Variants in TMEM42 observed in about 807,000 individuals in gnomAD.
TMEM42 encodes the protein transmembrane protein 42.
Under a neutral mutation model 14.0 loss-of-function variants are expected in TMEM42, and 8 were observed. The ratio of observed to expected loss-of-function variants is 0.57; its 90% confidence interval spans 0.34 to 1.03. The LOEUF is 1.03. Among genes scored for constraint, TMEM42 ranks in the 50% least tolerant of loss-of-function variants. The pLI is 0.03. For synonymous variants in TMEM42, 115 were observed against 94.3 expected (o/e 1.22, Z -1.27); for missense variants, 211 against 219.8 (o/e 0.96, Z 0.25).
In TMEM42 at chr3:44,865,332, C is replaced by T. The variant is rs2125740686; in HGVS notation, c.*152C>T. 3.0e-6 allele frequency: 3 copies of T among 1,001,922 alleles called. No individual in the cohort carries two copies. The East Asian group carries it at 7.8e-5, about 26-fold the overall frequency. The allele number at this position is 1,001,922 out of a possible 1,614,324, so 62.1% of individuals were successfully genotyped here. On this transcript the variant is annotated 3_prime_UTR_variant, in exon 3 of 3. Coordinates refer to ENST00000302392, the MANE Select transcript of TMEM42 (RefSeq NM_144638.3). Reference sequence around the variant, plus strand: ...GCCTCTGATGGAGCAGGCTCTGGCTCTGTAAGGAGAGGTGCAGCTGCAGCA... The same window carrying T: ...GCCTCTGATGGAGCAGGCTCTGGCTTTGTAAGGAGAGGTGCAGCTGCAGCA...
Position 44,864,273 on chromosome 3 carries a change from G to C in TMEM42, c.269G>C (p.Arg90Pro), listed in dbSNP as rs781527144. The C allele has an allele frequency of 1.9e-6, 3 of 1,614,012 alleles. No individual in the cohort carries two copies. The highest frequency in any genetic ancestry group is 2.2e-5 in the South Asian group (2 of 91,080). ...TCTCTGATGTGGACCTTCTTTAGCCGGGGCCTCAGTTTCTCCATGTCTTCA... is the reference window on the plus strand; with the variant it reads ...TCTCTGATGTGGACCTTCTTTAGCCCGGGCCTCAGTTTCTCCATGTCTTCA... Reference protein sequence around the residue: ...TNSLMWTFFSRGLSFSMSSAI... With the variant: ...TNSLMWTFFSPGLSFSMSSAI... The change falls in exon 2 of 3, where the codon CGG becomes CCG. Residue 90 changes from arginine to proline, a missense_variant. Arg to Pro is a moderately radical substitution (Grantham distance 103). Transcript: ENST00000302392.
chr3:44,862,256 G>T (rs1172783713), intron 1 of TMEM42, 140 bp downstream of exon 1: 2 of 562,370 alleles, frequency 3.6e-6, no homozygotes, highest in African/African-American at 2.0e-5. Flanking sequence ...CACCCTCGCC[G>T]GTCTGTCCCG....
chr3:44,865,278 G>C lies in TMEM42; in HGVS notation c.*98G>C. The C allele has an allele frequency of 1.3e-6, 2 of 1,524,254 alleles. No individual in the cohort carries two copies. Among genetic ancestry groups the C allele is most frequent in the Admixed American group, 3.5e-5 (2 of 57,188 alleles). The allele number at this position is 1,524,254 out of a possible 1,614,324, so 94.4% of individuals were successfully genotyped here. A position where few individuals can be genotyped will look rare whatever the true frequency, so the allele number is the denominator to read the frequency against. ...TATCCTAGGGCGATCCAGTTGTGCA[G>C]CCTTCTGACCATCAGCCAAGGGAAG... On this transcript the variant is annotated 3_prime_UTR_variant, in exon 3 of 3. Coordinates refer to ENST00000302392, the MANE Select transcript of TMEM42 (RefSeq NM_144638.3).
intron 1 of TMEM42, chr3:44,863,307 C>CCG (rs1699282524): frequency 9.2e-6 from 1 of 108,890 alleles, no homozygotes; most frequent in Non-Finnish European, 2.2e-5. Flanking sequence ...CGCACCCCCC[C>CCG]CCCCCGCCGC....
chr3:44,864,476 C>G (rs917836650), intron 2 of TMEM42, 133 bp downstream of exon 2: 65 of 1,028,044 alleles, frequency 6.3e-5, no homozygotes, highest in Non-Finnish European at 8.8e-5. Flanking sequence ...GGCTTGACCC[C>G]TGGATGAGTG....
At chr3:44,863,309 C>A (rs901014296) in intron 1 of TMEM42, 1 of 115,032 alleles carries the variant, frequency 8.7e-6, no homozygotes, top group Admixed American at 8.3e-5. Context: ...CACCCCCCCC[C>A]CCCGCCGCCT....
In TMEM42 at chr3:44,865,073, C is replaced by G. The variant is rs766678734; in HGVS notation, c.373C>G (p.Gln125Glu). 31 of 1,614,014 alleles carry G rather than the reference C, an allele frequency of 1.9e-5. No individual in the cohort carries two copies. In the East Asian group the frequency reaches 6.0e-4, roughly 31 times the overall value. ...FLGYVLYGEC[Q>E]EVLWWGGVFL... is the part of the protein sequence containing the mutation. ...GGGCTATGTGCTGTATGGAGAGTGC[C>G]AGGAGGTCTTGTGGTGGGGAGGAGT... Residue 125 changes from glutamine to glutamate, a missense_variant, in exon 3 of 3, where the codon CAG (glutamine) becomes GAG (glutamate). Gln to Glu is a conservative substitution (Grantham distance 29). Coordinates refer to ENST00000302392, the MANE Select transcript of TMEM42 (RefSeq NM_144638.3).
In TMEM42 at chr3:44,865,342, A is replaced by T. The variant is rs768067193; in HGVS notation, c.*162A>T. On this transcript the variant is annotated 3_prime_UTR_variant, in exon 3 of 3. Coordinates refer to ENST00000302392, the MANE Select transcript of TMEM42 (RefSeq NM_144638.3). ...GAGCAGGCTCTGGCTCTGTAAGGAG[A>T]GGTGCAGCTGCAGCAGTGTTCTACC... The T allele has an allele frequency of 3.6e-5, 32 of 883,896 alleles. No homozygotes were observed. Among genetic ancestry groups the T allele is most frequent in the Non-Finnish European group, 5.0e-5 (29 of 576,372 alleles). 54.8% of individuals were successfully genotyped at this position (883,896 alleles called of 1,614,324 possible). A position where few individuals can be genotyped will look rare whatever the true frequency, so the allele number is the denominator to read the frequency against.
At chr3:44,864,755 G>A (rs1699302343) in intron 2 of TMEM42, among the ~76,000 whole-genome samples, 1 of 152,146 alleles carries the variant, frequency 6.6e-6, no homozygotes. Flanking sequence ...CTTGAGTTGA[G>A]GGAGAAACAA....
Position 44,865,443 on chromosome 3 carries a change from T to A in TMEM42, c.*263T>A. On this transcript the variant is annotated 3_prime_UTR_variant, in exon 3 of 3. Coordinates refer to ENST00000302392, the MANE Select transcript of TMEM42 (RefSeq NM_144638.3). ...TACCCCAGTGAGCCTTCGCAGATGC[T>A]GGAGATCCTGGGGTTGGTCTGCTTT... 2.2e-6 allele frequency: 1 copy of A among 461,432 alleles called. No homozygotes were observed. The highest frequency in any genetic ancestry group is 3.9e-6 in the Non-Finnish European group (1 of 254,862). The allele number at this position is 461,432 out of a possible 1,614,324, so 28.6% of individuals were successfully genotyped here.
At chr3:44,863,333 G>GGGACAAC (rs1335159252) in intron 1 of TMEM42, 2 of 115,524 alleles carry the variant, frequency 1.7e-5, no homozygotes, top group African/African-American at 6.0e-5. Context: ...CTCCAGGCAG[G>GGGACAAC]TTTCTAACTC....
Position 44,865,108 on chromosome 3 carries a change from T to C in TMEM42, c.408T>C (p.Ile136=), listed in dbSNP as rs1699307035. The C allele has an allele frequency of 3.1e-6, 5 of 1,613,948 alleles. No homozygotes were observed. Among genetic ancestry groups the C allele is most frequent in the Non-Finnish European group, 4.2e-6 (5 of 1,179,988 alleles). ...EVLWWGGVFL[I]LCGLTLIHRK... Reference sequence around the variant, plus strand: ...TGTGGTGGGGAGGAGTGTTCCTTATTCTCTGCGGACTCACCCTAATCCACA... The same window carrying C: ...TGTGGTGGGGAGGAGTGTTCCTTATCCTCTGCGGACTCACCCTAATCCACA... The change falls in exon 3 of 3, where the codon ATT becomes ATC. Residue 136 remains isoleucine, a synonymous_variant. Coordinates refer to ENST00000302392, the MANE Select transcript of TMEM42 (RefSeq NM_144638.3).
intron 1 of TMEM42, 89 bp from the exon 2 acceptor site, chr3:44,864,108 C>G: frequency 6.4e-7 from 1 of 1,555,590 alleles, no homozygotes; most frequent in Non-Finnish European, 8.8e-7. Context: ...AGCCTGGGTG[C>G]CAGCAACCAC....
At position 44,865,261 on chromosome 3, in the gene TMEM42, G is replaced by A. The variant is rs1559603260; in HGVS notation, c.*81G>A. On this transcript the variant is annotated 3_prime_UTR_variant, in exon 3 of 3. Coordinates refer to ENST00000302392, the MANE Select transcript of TMEM42 (RefSeq NM_144638.3). Reference sequence around the variant, plus strand: ...GATGTCATGTGGGACTGTATCCTAGGGCGATCCAGTTGTGCAGCCTTCTGA... The same window carrying A: ...GATGTCATGTGGGACTGTATCCTAGAGCGATCCAGTTGTGCAGCCTTCTGA... 23 of 1,574,830 alleles carry A rather than the reference G, an allele frequency of 1.5e-5. No individual in the cohort carries two copies. Among genetic ancestry groups the A allele is most frequent in the South Asian group, 1.1e-5 (1 of 88,536 alleles).
At chr3:44,864,394 G>A (rs758965152) in intron 2 of TMEM42, 51 bp downstream of exon 2, 1 of 1,610,658 alleles carries the variant, frequency 6.2e-7, no homozygotes, top group East Asian at 2.2e-5. Flanking sequence ...GGTTCTGGGT[G>A]AGTTGTCTTT....
intron 1 of TMEM42, chr3:44,862,702 C>G (rs1699271905): frequency 6.6e-6 from 1 of 152,000 alleles, no homozygotes; most frequent in South Asian, 2.1e-4. Flanking sequence ...AACTTGCATC[C>G]TGGCGTCTGC....
intron 1 of TMEM42, chr3:44,863,310 C>CCG (rs1559602425): frequency 8.5e-6 from 1 of 117,540 alleles, no homozygotes; most frequent in South Asian, 4.8e-4. Flanking sequence ...ACCCCCCCCC[C>CCG]CCGCCGCCTT....
In TMEM42 at chr3:44,861,964, G is replaced by GCGACCGCGTACCCTGACA. The variant is rs2125738427; in HGVS notation, c.42_59dup (p.Thr15_Thr20dup). On this transcript the variant is annotated inframe_insertion, in exon 1 of 3. Coordinates refer to ENST00000302392, the MANE Select transcript of TMEM42 (RefSeq NM_144638.3). ...GGGGCCTCCGGGCGGCGCCGTGTCC[G>GCGACCGCGTACCCTGACA]CGACCGCGTACCCTGACACCCCCGC... 7.1e-7 allele frequency: 1 copy of GCGACCGCGTACCCTGACA among 1,399,810 alleles called. No homozygotes were observed. Among genetic ancestry groups the GCGACCGCGTACCCTGACA allele is most frequent in the Admixed American group, 3.4e-5 (1 of 29,370 alleles). 86.7% of individuals were successfully genotyped at this position (1,399,810 alleles called of 1,614,324 possible).
chr3:44,865,174 G>A lies in TMEM42; in HGVS notation c.474G>A (p.Gln158=). ...PPTWKPLPHK[Q]Q ...CCTGGAAGCCCCTTCCACACAAGCAGCAGTAGCACCACTTGGCTAGACGGA... is the reference window on the plus strand; with the variant it reads ...CCTGGAAGCCCCTTCCACACAAGCAACAGTAGCACCACTTGGCTAGACGGA... The change falls in exon 3 of 3, where the codon CAG becomes CAA. Residue 158 remains glutamine, a synonymous_variant. Coordinates refer to ENST00000302392, the MANE Select transcript of TMEM42 (RefSeq NM_144638.3). The A allele has an allele frequency of 1.9e-6, 3 of 1,614,198 alleles. No homozygotes were observed. The highest frequency in any genetic ancestry group is 2.5e-6 in the Non-Finnish European group (3 of 1,180,046).
Sources: gnomAD v4.1 joint callset for allele counts (sites outside exome capture counted in the v4.1 genomes callset) on GRCh38, gnomAD v4.1.1 for gene constraint, MANE v1.5 for transcripts, NCBI Gene and HGNC (gene_info 2026-07-23, HGNC 2026-07-21) for gene names.